The following NOL4 variants were observed in gnomAD, a reference collection of about 807,000 sequenced individuals.
The protein encoded by NOL4 is nucleolar protein 4.
Under a neutral mutation model 75.9 loss-of-function variants are expected in NOL4, and 17 were observed. The ratio of observed to expected loss-of-function variants is 0.22; its 90% CI spans 0.15 to 0.34. The LOEUF is 0.34. Ranked by LOEUF, NOL4 falls within the 10% of genes least tolerant of loss-of-function variation. NOL4 has a pLI of 1.00. For synonymous variants in NOL4, 292 were observed against 289.9 expected (o/e 1.01, Z -0.07); for missense variants, 614 against 793.5 (o/e 0.77, Z 2.72).
chr18:33,971,410 C>A (rs573483703), intron 6 of NOL4, among the ~76,000 whole-genome samples: 1 of 152,108 alleles, frequency 6.6e-6, no homozygotes, highest in East Asian at 1.9e-4. Context: ...TGGATCTGTC[C>A]TTTACAAGAT....
chr18:34,058,485 G>A (rs1405726406), intron 5 of NOL4, among the ~76,000 whole-genome samples: 1 of 152,050 alleles, frequency 6.6e-6, no homozygotes, highest in Non-Finnish European at 1.5e-5. Context: ...GCTAGGTGAG[G>A]CCTTTATCTT....
At chr18:34,064,948 C>CACACAA (rs1399137503) in intron 5 of NOL4, among the ~76,000 whole-genome samples, 4 of 59,264 alleles carry the variant, frequency 6.7e-5, no homozygotes, top group Admixed American at 3.2e-4. Flanking sequence ...CACACACACA[C>CACACAA]ACACATCATA....
chr18:34,122,657 T>G (rs963679209), intron 2 of NOL4, among the ~76,000 whole-genome samples: 2 of 152,154 alleles, frequency 1.3e-5, no homozygotes, highest in Non-Finnish European at 2.9e-5. Flanking sequence ...AGATTTAAAC[T>G]CAAGTCTAGT....
In NOL4 at chr18:33,851,488, C is replaced by A. The variant is rs780759464; in HGVS notation, c.*1354G>T. 3 of 152,302 alleles carry A rather than the reference C, an allele frequency of 2.0e-5. No homozygotes were observed. The highest frequency in any genetic ancestry group is 1.3e-4 in the Admixed American group (2 of 15,226). The allele number at this position is 152,302 out of a possible 1,614,324, so 9.4% of individuals were successfully genotyped here. A position where few individuals can be genotyped will look rare whatever the true frequency, so the allele number is the denominator to read the frequency against. ...ATCACTGATGCCTCAAACTCATTGT[C>A]AAAAACTGAATGACATAAATTTTAC... is the stretch of plus-strand genomic sequence containing the variant. On this transcript the variant is annotated 3_prime_UTR_variant, in exon 11 of 11. Transcript: ENST00000261592.
At chr18:34,182,873 T>C (rs1271510301) in intron 1 of NOL4, among the ~76,000 whole-genome samples, 1 of 151,728 alleles carries the variant, frequency 6.6e-6, no homozygotes, top group Non-Finnish European at 1.5e-5. Flanking sequence ...AAAAAGTACA[T>C]GAAATTTGAC....
At chr18:34,106,871 T>A (rs970983697) in intron 2 of NOL4, among the ~76,000 whole-genome samples, 1 of 152,042 alleles carries the variant, frequency 6.6e-6, no homozygotes, top group Non-Finnish European at 1.5e-5. Context: ...GCATGCTTCA[T>A]CCTTATATTT....
At chr18:33,853,214 G>C (rs1023417704) in intron 10 of NOL4, among the ~76,000 whole-genome samples, 179 bp from the exon 11 acceptor site, 2 of 152,098 alleles carry the variant, frequency 1.3e-5, no homozygotes, top group African/African-American at 4.8e-5. Context: ...AATGGTAACC[G>C]AGTGGCTTCT....
At chr18:34,041,354 A>C (rs1245091741) in intron 5 of NOL4, among the ~76,000 whole-genome samples, 1 of 151,898 alleles carries the variant, frequency 6.6e-6, no homozygotes, top group Admixed American at 6.6e-5. Context: ...TTGGGCCTTT[A>C]CCCCCAATCC....
intron 1 of NOL4, among the ~76,000 whole-genome samples, chr18:34,175,039 A>G (rs1469614735): frequency 2.0e-5 from 3 of 152,182 alleles, no homozygotes; most frequent in Non-Finnish European, 4.4e-5. Flanking sequence ...ATTACTGGGT[A>G]TATACCCAAA....
intron 6 of NOL4, among the ~76,000 whole-genome samples, chr18:33,989,351 G>A (rs1014838608): frequency 6.6e-6 from 1 of 151,826 alleles, no homozygotes; most frequent in African/African-American, 2.4e-5. Flanking sequence ...TGAACCAGCT[G>A]AGTAAAAAAA....
chr18:33,867,954 T>C (rs575124524), intron 10 of NOL4, among the ~76,000 whole-genome samples: 24 of 152,178 alleles, frequency 1.6e-4, no homozygotes, highest in Admixed American at 1.2e-3. Flanking sequence ...TTAAACCTTT[T>C]TTGTCCTTCT....
intron 6 of NOL4, among the ~76,000 whole-genome samples, chr18:33,987,449 T>A (rs1276147554): frequency 6.6e-6 from 1 of 152,048 alleles, no homozygotes; most frequent in Non-Finnish European, 1.5e-5. Context: ...CCTGACTAAG[T>A]AGGAGCTCAG....
chr18:34,038,963 G>T (rs1448780739), intron 5 of NOL4, among the ~76,000 whole-genome samples: 1 of 151,790 alleles, frequency 6.6e-6, no homozygotes, highest in African/African-American at 2.4e-5. Context: ...CAAATAAGCA[G>T]GTTTGATCAT....
At chr18:34,061,927 G>T (rs2077078862) in intron 5 of NOL4, among the ~76,000 whole-genome samples, 1 of 151,976 alleles carries the variant, frequency 6.6e-6, no homozygotes, top group African/African-American at 2.4e-5. Flanking sequence ...CATGTTATCA[G>T]GAACTACCTC....
chr18:33,868,041 A>G lies in NOL4; in HGVS notation c.1724-15006T>C, dbSNP rs1048011497. Among the ~76,000 whole-genome samples the G allele has an allele frequency of 2.0e-4, 30 of 146,470 alleles. No homozygotes were observed. In the East Asian group the frequency reaches 2.4e-3, roughly 12 times the overall value. On this transcript the variant is annotated intron_variant, in intron 10 of 10. Transcript: ENST00000261592. ...GCTTTACTCGGTCTACTGATTCTTT[A>G]TCTTTTTTTTTTTTTTGAGAGAGTC...
rs144112720 is a variant in NOL4 at position 34,030,139 on chromosome 18, T to C, written c.773-10538A>G. Among the ~76,000 whole-genome samples the C allele has an allele frequency of 9.2e-5, 14 of 152,330 alleles. No homozygotes were observed. The East Asian group carries it at 2.5e-3, about 27-fold the overall frequency. ...GATCTAAATAAAATTCCACTTTGAT[T>C]ATATTTTTGGGCTTCTAGAAAAAGG... On this transcript the variant is annotated intron_variant, in intron 5 of 10. Transcript: ENST00000261592.
intron 5 of NOL4, among the ~76,000 whole-genome samples, chr18:34,050,131 T>G (rs2076568885): frequency 1.3e-5 from 2 of 152,174 alleles, no homozygotes; most frequent in South Asian, 4.1e-4. Context: ...AGGATACATA[T>G]GTACCCACTT....
At chr18:34,122,141 G>A (rs1184733044) in intron 2 of NOL4, among the ~76,000 whole-genome samples, 8 of 152,042 alleles carry the variant, frequency 5.3e-5, no homozygotes, top group Non-Finnish European at 1.0e-4. Flanking sequence ...GAATTCACCC[G>A]TAACCAAAGA....
At chr18:33,853,448 C>G (rs10153396) in intron 10 of NOL4, among the ~76,000 whole-genome samples, 1 of 151,800 alleles carries the variant, frequency 6.6e-6, no homozygotes, top group Non-Finnish European at 1.5e-5. Flanking sequence ...CATCAATTTG[C>G]AATTTAAAAA....
Sources: allele counts gnomAD v4.1 joint callset (sites outside exome capture counted in the v4.1 genomes callset), GRCh38; gene constraint gnomAD v4.1.1; transcripts MANE v1.5; gene names NCBI Gene and HGNC (gene_info 2026-07-23, HGNC 2026-07-21).